EGFLAM: variants seen among roughly 807,000 people sequenced by gnomAD.
The protein encoded by EGFLAM is EGF like, fibronectin type III and laminin G domains, also known as pikachurin.
Under a neutral mutation model 113.1 loss-of-function variants are expected in EGFLAM, and 79 were observed. That is an observed-to-expected ratio of 0.70 (90% CI 0.58 to 0.84). EGFLAM has a LOEUF of 0.84. Among genes scored for constraint, EGFLAM ranks in the 40% least tolerant of loss-of-function variants. The pLI, the probability that EGFLAM is intolerant of heterozygous loss-of-function variation, is 0.00. For missense variants in EGFLAM, 1,265 were observed against 1,291.6 expected (o/e 0.98, Z 0.32); for synonymous variants, 504 against 487.6 (o/e 1.03, Z -0.44).
chr5:38,342,111 T>G (rs1249131848), intron 3 of EGFLAM, among the ~76,000 whole-genome samples: 2 of 152,144 alleles, frequency 1.3e-5, no homozygotes, highest in African/African-American at 2.4e-5. Flanking sequence ...CAGTGAAGAG[T>G]GCCTAGTTCT....
In EGFLAM at chr5:38,463,710, G is replaced by A. The variant is rs1743366176; in HGVS notation, c.2876-122G>A. The A allele has an allele frequency of 2.5e-6, 3 of 1,197,324 alleles. 1 individual carries two copies. The highest frequency in any genetic ancestry group is 1.5e-5 in the African/African-American group (1 of 66,278). 74.2% of individuals were successfully genotyped at this position (1,197,324 alleles called of 1,614,324 possible). On this transcript the variant is annotated intron_variant, in intron 21 of 21. Coordinates refer to ENST00000322350, the MANE Select transcript of EGFLAM (RefSeq NM_152403.4). The stretch of plus-strand genomic sequence containing the variant: ...CTCAAGGGGCCCACAGCCCTCACAT[G>A]TCCCATGAATCAAGGGATGCCTTGG...
At chr5:38,426,095 T>A (rs1741999422) in intron 13 of EGFLAM, among the ~76,000 whole-genome samples, 1 of 142,862 alleles carries the variant, frequency 7.0e-6, no homozygotes, top group Non-Finnish European at 1.5e-5. Context: ...AGAGCGAGAC[T>A]CCATCTTGGG....
chr5:38,443,265 C>T (rs1266244242), intron 17 of EGFLAM, among the ~76,000 whole-genome samples: 1 of 151,756 alleles, frequency 6.6e-6, no homozygotes, highest in Non-Finnish European at 1.5e-5. Flanking sequence ...GACTCTGTCT[C>T]AAAAAATAAA....
chr5:38,295,875 A>G (rs1405203638), intron 1 of EGFLAM, among the ~76,000 whole-genome samples: 1 of 152,238 alleles, frequency 6.6e-6, no homozygotes, highest in Admixed American at 6.5e-5. Context: ...TGTAAGTAGT[A>G]CAATTTGCAA....
rs1181479355 is a variant in EGFLAM, at chr5:38,350,482, C to A, written c.292-19C>A. On this transcript the variant is annotated intron_variant, in intron 3 of 21. Coordinates refer to ENST00000322350, the MANE Select transcript of EGFLAM (RefSeq NM_152403.4). Reference sequence around the variant, plus strand: ...AGATGTACTGATTGTTAGCATCTTTCTTGTTTGGTCATTGACAGGAGGAAG... The same window carrying A: ...AGATGTACTGATTGTTAGCATCTTTATTGTTTGGTCATTGACAGGAGGAAG... 15 of 1,609,558 alleles carry A rather than the reference C, an allele frequency of 9.3e-6. No homozygotes were observed. The Admixed American group carries it at 1.0e-4, about 11-fold the overall frequency.
chr5:38,377,512 T>C (rs1299071446), intron 6 of EGFLAM, among the ~76,000 whole-genome samples: 1 of 152,174 alleles, frequency 6.6e-6, no homozygotes, highest in East Asian at 1.9e-4. Context: ...AGTATGTAAA[T>C]GAGTGAATGT....
intron 1 of EGFLAM, among the ~76,000 whole-genome samples, chr5:38,272,097 AATATAT>A (rs1209659856): frequency 6.6e-6 from 1 of 152,196 alleles, no homozygotes; most frequent in Non-Finnish European, 1.5e-5. Flanking sequence ...ACTTTGAAGC[AATATAT>A]AATTTAAATC....
In EGFLAM at chr5:38,425,000, C is replaced by A; in HGVS notation, c.1718C>A (p.Ser573Ter). 2 of 1,613,964 alleles carry A rather than the reference C, an allele frequency of 1.2e-6. No homozygotes were observed. The highest frequency in any genetic ancestry group is 1.7e-6 in the Non-Finnish European group (2 of 1,179,932). ...ECSSGICDEASCIHGGTCTAI... is the reference protein window; with the variant it reads ...ECSSGICDEA ...AGCAGTGGAATCTGTGATGAGGCCT[C>A]GTGCATCCATGGTGGCACCTGCACA... is the stretch of plus-strand genomic sequence containing the variant. The change falls in exon 13 of 22, where the codon TCG (serine) becomes TAG (stop). Residue 573 changes from serine (S) to a stop codon, truncating the protein, a stop_gained. Transcript: ENST00000322350. LOFTEE classifies it high-confidence loss of function.
chr5:38,397,886 T>C (rs994394954), intron 6 of EGFLAM, among the ~76,000 whole-genome samples: 8 of 152,196 alleles, frequency 5.3e-5, no homozygotes, highest in African/African-American at 1.4e-4. Context: ...GAGGTTAAAA[T>C]ATCTACCTTA....
At chr5:38,374,494 G>A (rs960032513) in intron 6 of EGFLAM, among the ~76,000 whole-genome samples, 3 of 152,136 alleles carry the variant, frequency 2.0e-5, no homozygotes, top group Admixed American at 6.5e-5. Context: ...AGAACTGGTT[G>A]AGCCAGATTA....
At chr5:38,367,661 C>A (rs1740097847) in intron 5 of EGFLAM, among the ~76,000 whole-genome samples, 1 of 152,126 alleles carries the variant, frequency 6.6e-6, no homozygotes, top group South Asian at 2.1e-4. Flanking sequence ...CTATGGTGAT[C>A]TGACCAACAA....
In EGFLAM at chr5:38,418,263, G is replaced by A. The variant is rs764394509; in HGVS notation, c.1684+8G>A. 2.5e-6 allele frequency: 4 copies of A among 1,611,994 alleles called. No homozygotes were observed. ...TCAGTGGGGCTGATGTGGGTAAGTG[G>A]CTGCCTGGTGGGTTGGGGTACTCTT... On this transcript the variant is annotated splice_region_variant and intron_variant, in intron 12 of 21. Transcript: ENST00000322350.
intron 17 of EGFLAM, among the ~76,000 whole-genome samples, chr5:38,439,442 G>T (rs975564117): frequency 2.6e-5 from 4 of 151,840 alleles, no homozygotes; most frequent in Non-Finnish European, 5.9e-5. Context: ...CTGAAGGAAT[G>T]TGCACTGTCT....
At chr5:38,271,982 A>AG (rs1757776262) in intron 1 of EGFLAM, among the ~76,000 whole-genome samples, 1 of 152,264 alleles carries the variant, frequency 6.6e-6, no homozygotes, top group African/African-American at 2.4e-5. Flanking sequence ...CATTTCATAC[A>AG]GAAAAAGTGT....
At chr5:38,364,678 A>G (rs968972231) in intron 5 of EGFLAM, among the ~76,000 whole-genome samples, 2 of 152,346 alleles carry the variant, frequency 1.3e-5, no homozygotes, top group Admixed American at 1.3e-4. Context: ...ACGTAGATGA[A>G]GAAGACAAAG....
intron 1 of EGFLAM, among the ~76,000 whole-genome samples, chr5:38,317,003 T>G (rs1438883664): frequency 6.6e-6 from 1 of 152,160 alleles, no homozygotes; most frequent in Non-Finnish European, 1.5e-5. Context: ...AATGTTCCGG[T>G]GTCCATTCTA....
intron 17 of EGFLAM, chr5:38,445,754 A>T (rs1374937450): frequency 1.3e-6 from 2 of 1,582,110 alleles, no homozygotes; most frequent in Non-Finnish European, 1.7e-6. Context: ...GGGCTGGGGC[A>T]GGCCAACCGC....
At chr5:38,350,667 A>T in intron 4 of EGFLAM, 49 bp downstream of exon 4, 1 of 1,543,942 alleles carries the variant, frequency 6.5e-7, no homozygotes, top group Non-Finnish European at 8.9e-7. Flanking sequence ...CTATCCATGC[A>T]TCCTTCATTC....
chr5:38,347,559 GCC>G (rs1739506058), intron 3 of EGFLAM, among the ~76,000 whole-genome samples: 1 of 152,148 alleles, frequency 6.6e-6, no homozygotes, highest in Non-Finnish European at 1.5e-5. Context: ...GTAGGGGTGA[GCC>G]AGGCAGGAGT....
Sources: allele counts gnomAD v4.1 joint callset (sites outside exome capture counted in the v4.1 genomes callset), GRCh38; gene constraint gnomAD v4.1.1; transcripts MANE v1.5; gene names NCBI Gene and HGNC (gene_info 2026-07-23, HGNC 2026-07-21).